CYP2J2: variants seen among roughly 807,000 people sequenced by gnomAD.
CYP2J2 encodes the protein cytochrome P450 family 2 subfamily J member 2, also known as cytochrome P450 2J2.
In CYP2J2, 41 loss-of-function variants were observed where a neutral mutation model predicts 48.8. The ratio of observed to expected loss-of-function variants is 0.84; its 90% CI spans 0.66 to 1.09. The LOEUF is 1.09. Among genes scored for constraint, CYP2J2 ranks in the 50% least tolerant of loss-of-function variants. The pLI is 0.00. For missense variants in CYP2J2, 644 were observed against 617.3 expected (o/e 1.04, Z -0.46); for synonymous variants, 221 against 227.1 (o/e 0.97, Z 0.24).
the CYP2J2 span, among the ~76,000 whole-genome samples, chr1:59,948,037 G>A: frequency 6.6e-6 from 1 of 152,160 alleles, no homozygotes; most frequent in African/African-American, 2.4e-5. Flanking sequence ...ATTTGCACCA[G>A]GGGTTGCACA....
chr1:59,932,704 AT>A, the CYP2J2 span, among the ~76,000 whole-genome samples: 11,129 of 144,536 alleles, frequency 0.077, 413 homozygotes, highest in Middle Eastern at 0.11. Flanking sequence ...TTCTTATTCT[AT>A]TTTTTTTTTT....
chr1:59,938,479 C>T, the CYP2J2 span, among the ~76,000 whole-genome samples: 6 of 152,222 alleles, frequency 3.9e-5, no homozygotes, highest in African/African-American at 1.2e-4. Context: ...TGGATGTGCA[C>T]GTAGGCCAGA....
chr1:59,953,606 A>G, the CYP2J2 span, among the ~76,000 whole-genome samples: 2 of 151,998 alleles, frequency 1.3e-5, no homozygotes, highest in Non-Finnish European at 2.9e-5. Flanking sequence ...TGTGAGCAGT[A>G]ACATATGTCA....
chr1:59,967,697 C>T, the CYP2J2 span, among the ~76,000 whole-genome samples: 9 of 152,332 alleles, frequency 5.9e-5, no homozygotes, highest in East Asian at 1.9e-4. Context: ...GTTATGGGAG[C>T]GCAGCTCATT....
chr1:59,913,338 A>C (rs894462922), intron 2 of CYP2J2: 3 of 152,054 alleles, frequency 2.0e-5, no homozygotes, highest in African/African-American at 7.2e-5. Flanking sequence ...CAACTCCTAA[A>C]ATTTTAAATA....
intron 1 of CYP2J2, among the ~76,000 whole-genome samples, chr1:59,921,989 AC>A (rs1644520011): frequency 6.6e-6 from 1 of 152,050 alleles, no homozygotes; most frequent in South Asian, 2.1e-4. Flanking sequence ...TCACTAACCT[AC>A]CCCCATCCTC....
the CYP2J2 span, among the ~76,000 whole-genome samples, chr1:59,947,602 A>G: frequency 6.6e-6 from 1 of 152,134 alleles, no homozygotes; most frequent in African/African-American, 2.4e-5. Context: ...CTTTCCAACC[A>G]CTATGTCTCC....
At position 59,907,889 on chromosome 1, in the gene CYP2J2, G is replaced by T. The variant is rs1559074613; in HGVS notation, c.900C>A (p.Asn300Lys). ...GNPTSSFHEE[N>K]LICSTLDLFF... ...AGAGGTCCAGGGTGCTGCAGATGAG[G>T]TTTTCTTCATGGAAACTTGAAGTAG... The change falls in exon 6 of 9, where the codon AAC becomes AAA. Residue 300 changes from asparagine (N) to lysine (K), a missense_variant. By Grantham distance (94) the Asn-to-Lys change is moderately conservative. Transcript: ENST00000371204. 7 of 1,613,924 alleles carry T rather than the reference G, an allele frequency of 4.3e-6. No homozygotes were observed. The highest frequency in any genetic ancestry group is 3.3e-5 in the South Asian group (3 of 91,084).
intron 1 of CYP2J2, among the ~76,000 whole-genome samples, chr1:59,923,392 T>G (rs1271348561): frequency 6.6e-6 from 1 of 152,224 alleles, no homozygotes; most frequent in African/African-American, 2.4e-5. Context: ...ATAACAAATA[T>G]ATAAAATGTC....
intron 2 of CYP2J2, among the ~76,000 whole-genome samples, chr1:59,914,547 T>G (rs891274707): frequency 1.3e-5 from 2 of 152,196 alleles, no homozygotes; most frequent in African/African-American, 4.8e-5. Context: ...GGAATCAATG[T>G]TTAAGGGATC....
At chr1:59,947,956 T>G in the CYP2J2 span, among the ~76,000 whole-genome samples, 1 of 152,072 alleles carries the variant, frequency 6.6e-6, no homozygotes, top group African/African-American at 2.4e-5. Context: ...AGAGCCTGAG[T>G]CATTTTGGGA....
chr1:59,921,674 A>G (rs999266347), intron 1 of CYP2J2, among the ~76,000 whole-genome samples: 4 of 151,612 alleles, frequency 2.6e-5, no homozygotes, highest in Non-Finnish European at 4.4e-5. Context: ...CTGGTTGCAA[A>G]CAATCAGTAG....
chr1:59,915,943 T>C lies in CYP2J2; in HGVS notation c.368A>G (p.Lys123Arg). The change falls in exon 2 of 9, where the codon AAA becomes AGA. Residue 123 changes from lysine (K) to arginine (R), a missense_variant. Transcript: ENST00000371204. ...VTPMREHIFKKNGLIMSSGQA... is the reference protein window; with the variant it reads ...VTPMREHIFKRNGLIMSSGQA... Reference sequence around the variant, plus strand: ...TCGTTGGCCAAGAAACTTACCATTTTTCTTAAAGATATGTTCTCGCATAGG... The same window carrying C: ...TCGTTGGCCAAGAAACTTACCATTTCTCTTAAAGATATGTTCTCGCATAGG... The C allele has an allele frequency of 1.2e-6, 2 of 1,612,136 alleles. No homozygotes were observed. Among genetic ancestry groups the C allele is most frequent in the Non-Finnish European group, 1.7e-6 (2 of 1,179,300 alleles).
At chr1:59,941,052 A>G in the CYP2J2 span, among the ~76,000 whole-genome samples, 1 of 152,262 alleles carries the variant, frequency 6.6e-6, no homozygotes, top group Non-Finnish European at 1.5e-5. Context: ...ACAGTTCAGT[A>G]GAAGGAATAC....
rs747708112 is a variant in CYP2J2, at chr1:59,909,843, C to G, written c.802G>C (p.Asp268His). The G allele has an allele frequency of 6.2e-7, 1 of 1,609,520 alleles. No homozygotes were observed. Among genetic ancestry groups the G allele is most frequent in the Non-Finnish European group, 8.5e-7 (1 of 1,178,596 alleles). ...TCTCTTGTTTCTGCAGGATTCCAAT[C>G]CTTTCTGTGTTTGTCAATCATATGA... ...VSHMIDKHRK[D>H]WNPAETRDFI... Residue 268 changes from aspartate to histidine, a missense_variant, in exon 5 of 9, where the codon GAT becomes CAT. By Grantham distance (81) the Asp-to-His change is moderately conservative. Coordinates refer to ENST00000371204, the MANE Select transcript of CYP2J2 (RefSeq NM_000775.4).
chr1:59,943,993 C>T, the CYP2J2 span, among the ~76,000 whole-genome samples: 1 of 152,170 alleles, frequency 6.6e-6, no homozygotes, highest in Non-Finnish European at 1.5e-5. Context: ...TACATATATG[C>T]ATTTGTATAC....
the CYP2J2 span, among the ~76,000 whole-genome samples, chr1:59,955,985 CTTTA>C: frequency 6.6e-6 from 1 of 151,958 alleles, no homozygotes; most frequent in East Asian, 1.9e-4. Flanking sequence ...CCTCATGCAA[CTTTA>C]TTCTCACTTG....
chr1:59,898,757 A>C (rs1001932551), intron 8 of CYP2J2, among the ~76,000 whole-genome samples: 2 of 152,190 alleles, frequency 1.3e-5, no homozygotes, highest in African/African-American at 4.8e-5. Flanking sequence ...TCTTATTTTT[A>C]GTTATCTTAA....
At chr1:59,935,021 T>TATATACACAC in the CYP2J2 span, among the ~76,000 whole-genome samples, 2 of 48,136 alleles carry the variant, frequency 4.2e-5, no homozygotes, top group Non-Finnish European at 8.7e-5. Context: ...TATACATATA[T>TATATACACAC]ATATATATAT....
Sources: allele counts gnomAD v4.1 joint callset (sites outside exome capture counted in the v4.1 genomes callset), GRCh38; gene constraint gnomAD v4.1.1; transcripts MANE v1.5; gene names NCBI Gene and HGNC (gene_info 2026-07-23, HGNC 2026-07-21).